Variants in NELL2 observed in about 807,000 individuals in gnomAD.
NELL2 encodes neural EGFL like 2.
NELL2 carries 41 observed loss-of-function variants against 109.6 expected under a neutral mutation model. The observed-to-expected ratio is 0.37, with a 90% CI of 0.29 to 0.49. The LOEUF (loss-of-function observed/expected upper bound fraction) is 0.49. Among genes scored for constraint, NELL2 ranks in the 20% least tolerant of loss-of-function variants. The probability of loss-of-function intolerance (pLI) is 0.98; values close to 1 mark genes in which losing one functional copy is unlikely to be tolerated. For missense variants in NELL2, 900 were observed against 1,008.3 expected, an observed-to-expected ratio of 0.89 and a Z score of 1.45; for synonymous variants, 355 against 344.7, an observed-to-expected ratio of 1.03 and a Z score of -0.33.
intron 9 of NELL2, among the ~76,000 whole-genome samples, chr12:44,742,881 G>T (rs1940078630): frequency 6.6e-6 from 1 of 152,156 alleles, no homozygotes; most frequent in East Asian, 1.9e-4. Context: ...CACGATGCAG[G>T]ATATTATCCA....
intron 9 of NELL2, among the ~76,000 whole-genome samples, chr12:44,740,942 T>A (rs1181756814): frequency 6.6e-6 from 1 of 152,182 alleles, no homozygotes; most frequent in Non-Finnish European, 1.5e-5. Flanking sequence ...ATAAAAAATA[T>A]AGCAATTATA....
intron 13 of NELL2, among the ~76,000 whole-genome samples, chr12:44,652,917 G>A (rs1947351889): frequency 6.6e-6 from 1 of 152,116 alleles, no homozygotes; most frequent in Admixed American, 6.5e-5. Context: ...ATCCAGTAAG[G>A]TTGCATGTCT....
intron 9 of NELL2, among the ~76,000 whole-genome samples, chr12:44,716,688 C>G (rs982369316): frequency 6.6e-6 from 1 of 152,012 alleles, no homozygotes; most frequent in Non-Finnish European, 1.5e-5. Flanking sequence ...TTTCTTACAT[C>G]TATTCAGTAC....
chr12:44,573,303 C>T (rs141088176), intron 15 of NELL2, among the ~76,000 whole-genome samples: 1 of 152,292 alleles, frequency 6.6e-6, no homozygotes, highest in Non-Finnish European at 1.5e-5. Context: ...CTGGACCAAA[C>T]TGCCCAAGTG....
intron 1 of NELL2, among the ~76,000 whole-genome samples, chr12:44,884,485 T>C (rs1945449288): frequency 6.6e-6 from 1 of 151,970 alleles, no homozygotes; most frequent in Non-Finnish European, 1.5e-5. Context: ...GGATAATTAA[T>C]AGCAATTTTA....
At chr12:44,574,071 A>T (rs113473770) in intron 15 of NELL2, among the ~76,000 whole-genome samples, 1,486 of 148,502 alleles carry the variant, frequency 0.01, 23 homozygotes, top group African/African-American at 0.032. Flanking sequence ...TTTTATTTTT[A>T]TTTTTTTTTT....
intron 9 of NELL2, among the ~76,000 whole-genome samples, chr12:44,749,011 A>C (rs1314805308): frequency 6.6e-6 from 1 of 152,204 alleles, no homozygotes; most frequent in Non-Finnish European, 1.5e-5. Context: ...TTAAATTAAT[A>C]TCACTCATGC....
intron 2 of NELL2, among the ~76,000 whole-genome samples, chr12:44,819,532 G>A (rs554512230): frequency 7.9e-5 from 12 of 152,276 alleles, no homozygotes; most frequent in East Asian, 7.7e-4. Flanking sequence ...CTGAGTAGAC[G>A]GATAATTTGT....
intron 9 of NELL2, among the ~76,000 whole-genome samples, chr12:44,726,382 T>G (rs1939083577): frequency 6.6e-6 from 1 of 152,110 alleles, no homozygotes; most frequent in Non-Finnish European, 1.5e-5. Flanking sequence ...CCAAAAAAGT[T>G]TGTGTTGCCT....
chr12:44,916,926 A>G (rs1945833222), upstream of NELL2, among the ~76,000 whole-genome samples: 1 of 152,166 alleles, frequency 6.6e-6, no homozygotes, highest in African/African-American at 2.4e-5. Flanking sequence ...AAAATGGTCC[A>G]TTTCACCTTC....
intron 2 of NELL2, among the ~76,000 whole-genome samples, chr12:44,836,563 C>T (rs926692368): frequency 1.3e-5 from 2 of 152,158 alleles, no homozygotes; most frequent in Non-Finnish European, 2.9e-5. Context: ...AGGGAGGAGG[C>T]TACAGAAGAA....
chr12:44,824,292 T>C (rs189049702), intron 2 of NELL2, among the ~76,000 whole-genome samples: 1 of 152,238 alleles, frequency 6.6e-6, no homozygotes, highest in Non-Finnish European at 1.5e-5. Context: ...TTTGCCTCTT[T>C]GCCTTTGTTG....
At chr12:44,774,590 G>T (rs763883622) in intron 9 of NELL2, 157 bp downstream of exon 9, 312 of 644,418 alleles carry the variant, frequency 4.8e-4, no homozygotes, top group Non-Finnish European at 7.5e-4. Context: ...AAATGGAAAA[G>T]AACTAATCAA....
At chr12:44,822,005 A>T (rs868499923) in intron 2 of NELL2, among the ~76,000 whole-genome samples, 29 of 151,982 alleles carry the variant, frequency 1.9e-4, no homozygotes, top group Admixed American at 5.2e-4. Context: ...GCTGCAAGTG[A>T]TCTGCCCGCC....
chr12:44,604,874 A>AC (rs1945340338), intron 15 of NELL2, among the ~76,000 whole-genome samples: 1 of 152,148 alleles, frequency 6.6e-6, no homozygotes, highest in Admixed American at 6.6e-5. Flanking sequence ...GTCCCCAACA[A>AC]CTGTAGCACT....
chr12:44,729,162 A>T (rs927821637), intron 9 of NELL2, among the ~76,000 whole-genome samples: 2 of 152,136 alleles, frequency 1.3e-5, no homozygotes, highest in African/African-American at 4.8e-5. Context: ...AAAGATAACA[A>T]CTATAAAAAT....
chr12:44,907,419 T>G (rs1945731999), intron 1 of NELL2, among the ~76,000 whole-genome samples: 1 of 152,098 alleles, frequency 6.6e-6, no homozygotes, highest in Non-Finnish European at 1.5e-5. Context: ...AAAACAGTGG[T>G]GTCATGAAAG....
At chr12:44,913,764 T>A in intron 1 of NELL2, 3 of 786,266 alleles carry the variant, frequency 3.8e-6, no homozygotes, top group Non-Finnish European at 5.9e-6. Context: ...GTGTTCAGAG[T>A]TACCTTAAAA....
chr12:44,874,424 A>C (rs1426915662), intron 2 of NELL2, among the ~76,000 whole-genome samples: 2 of 152,188 alleles, frequency 1.3e-5, no homozygotes, highest in African/African-American at 4.8e-5. Flanking sequence ...AACTTTCCAC[A>C]AACAAGCAAT....
Sources: allele counts gnomAD v4.1 joint callset (sites outside exome capture counted in the v4.1 genomes callset), GRCh38; gene constraint gnomAD v4.1.1; transcripts MANE v1.5; gene names NCBI Gene and HGNC (gene_info 2026-07-23, HGNC 2026-07-21).